SMAD2: variants seen among roughly 807,000 people sequenced by gnomAD.
SMAD2 encodes the protein MAD homolog 2.
Under a neutral mutation model 64.4 loss-of-function variants are expected in SMAD2, and 8 were observed. That is an observed-to-expected ratio of 0.12 (90% CI 0.07 to 0.22). SMAD2 has a LOEUF of 0.22. Ranked by LOEUF, SMAD2 falls within the 10% of genes least tolerant of loss-of-function variation. The pLI is 1.00. For synonymous variants in SMAD2, 203 were observed against 195.8 expected (o/e 1.04, Z -0.31); for missense variants, 289 against 561.2 (o/e 0.51, Z 4.90).
At position 47,816,019 on chromosome 18, in the gene SMAD2, C is replaced by CA. The variant is rs555101866; in HGVS notation, c.*25807dup. On this transcript the variant is annotated 3_prime_UTR_variant, in exon 11 of 11. Transcript: ENST00000262160. Reference sequence around the variant, plus strand: ...GGCTAAGAAGCTGAGGAGGAACTGGCAGTGAGGGAGGAGGTTGAGAATGAA... The same window carrying CA: ...GGCTAAGAAGCTGAGGAGGAACTGGCAAGTGAGGGAGGAGGTTGAGAATGAA... 1.8e-4 allele frequency: 27 copies of CA among 152,266 alleles called. No homozygotes were observed. Among genetic ancestry groups the CA allele is most frequent in the African/African-American group, 6.3e-4 (26 of 41,540 alleles). 9.4% of individuals were successfully genotyped at this position (152,266 alleles called of 1,614,324 possible).
At chr18:47,876,936 G>A (rs1025967694) in intron 2 of SMAD2, among the ~76,000 whole-genome samples, 1 of 151,910 alleles carries the variant, frequency 6.6e-6, no homozygotes, top group African/African-American at 2.4e-5. Context: ...CTTTGTTATG[G>A]AGAAAGAAAA....
In SMAD2 at chr18:47,879,275, A is replaced by G. The variant is rs72912392; in HGVS notation, c.237-8711T>C. On this transcript the variant is annotated intron_variant, in intron 2 of 10. Coordinates refer to ENST00000262160, the MANE Select transcript of SMAD2 (RefSeq NM_005901.6). ...CATTTGAGTTTTCTCAGATGCATAC[A>G]TTGTACACTTCTCAACCCTGTCAAG... Among the ~76,000 whole-genome samples, 540 of 152,270 alleles carry G rather than the reference A, an allele frequency of 3.5e-3. 2 individuals are homozygous for G. Among genetic ancestry groups the G allele is most frequent in the Non-Finnish European group, 6.3e-3 (431 of 68,018 alleles).
intron 2 of SMAD2, among the ~76,000 whole-genome samples, chr18:47,892,529 C>T (rs2033246256): frequency 6.6e-6 from 1 of 152,100 alleles, no homozygotes; most frequent in Non-Finnish European, 1.5e-5. Flanking sequence ...TTTAATAAAC[C>T]ACTGAATTCT....
At chr18:47,928,212 C>G (rs1023497870) in intron 1 of SMAD2, among the ~76,000 whole-genome samples, 1 of 152,178 alleles carries the variant, frequency 6.6e-6, no homozygotes, top group African/African-American at 2.4e-5. Flanking sequence ...TATAAAAAAG[C>G]TGCTACAAAA....
chr18:47,928,804 C>CA (rs2034872881), intron 1 of SMAD2, among the ~76,000 whole-genome samples: 1 of 152,134 alleles, frequency 6.6e-6, no homozygotes, highest in South Asian at 2.1e-4. Flanking sequence ...ACTAAAACCC[C>CA]AAAATGAACG....
rs573174920 is a variant in SMAD2, at chr18:47,843,449, A to C, written c.1281-1499T>G. 3.9e-5 allele frequency among the ~76,000 whole-genome samples: 6 copies of C among 152,320 alleles called. No homozygotes were observed. The South Asian group carries it at 8.3e-4, about 21-fold the overall frequency. ...CAGGTCACCCAAGGGGAGTAGGTTTAAGAAGGCTGCCACTCGATTAAATAC... is the reference window on the plus strand; with the variant it reads ...CAGGTCACCCAAGGGGAGTAGGTTTCAGAAGGCTGCCACTCGATTAAATAC... On this transcript the variant is annotated intron_variant, in intron 10 of 10. Transcript: ENST00000262160.
rs1020071489 is a variant in SMAD2, at chr18:47,824,182, A to G, written c.*17645T>C. On this transcript the variant is annotated 3_prime_UTR_variant, in exon 11 of 11. Coordinates refer to ENST00000262160, the MANE Select transcript of SMAD2 (RefSeq NM_005901.6). Reference sequence around the variant, plus strand: ...ATACTTTCGGAAAAACATCTTCATCAAGAGAGGGAAAGGTGAAAGCTGTCA... The same window carrying G: ...ATACTTTCGGAAAAACATCTTCATCGAGAGAGGGAAAGGTGAAAGCTGTCA... 2.0e-5 allele frequency: 3 copies of G among 152,208 alleles called. No individual in the cohort carries two copies. The highest frequency in any genetic ancestry group is 6.5e-5 in the Admixed American group (1 of 15,280). The allele number at this position is 152,208 out of a possible 1,614,324, so 9.4% of individuals were successfully genotyped here.
intron 2 of SMAD2, among the ~76,000 whole-genome samples, chr18:47,871,092 CTT>C (rs1235918582): frequency 6.6e-6 from 1 of 152,130 alleles, no homozygotes; most frequent in Admixed American, 6.5e-5. Context: ...AAGAAATAGA[CTT>C]TGAAGTCATT....
At chr18:47,893,722 A>C (rs1473907352) in intron 2 of SMAD2, among the ~76,000 whole-genome samples, 3 of 152,214 alleles carry the variant, frequency 2.0e-5, no homozygotes, top group Non-Finnish European at 4.4e-5. Context: ...TAATAACCTG[A>C]CACAATTTAA....
chr18:47,912,227 T>C (rs576176380), intron 1 of SMAD2: 3 of 152,314 alleles, frequency 2.0e-5, no homozygotes, highest in African/African-American at 7.2e-5. Flanking sequence ...ATAAGGCCAG[T>C]GCAGATTAAA....
At chr18:47,875,178 C>T (rs1263328026) in intron 2 of SMAD2, among the ~76,000 whole-genome samples, 1 of 152,116 alleles carries the variant, frequency 6.6e-6, no homozygotes, top group African/African-American at 2.4e-5. Context: ...TTCCTAGCCA[C>T]CTTTTAACTT....
chr18:47,851,290 A>C lies in SMAD2; in HGVS notation c.768T>G (p.Pro256=). Residue 256 remains proline, a synonymous_variant, in exon 7 of 11, where the codon CCT becomes CCG. Transcript: ENST00000262160. Reference sequence around the variant, plus strand: ...GCAACTTACCCAAGCTATGATTAACAGGGGAAAGAGTAGTAGGAGATAGTT... The same window carrying C: ...GCAACTTACCCAAGCTATGATTAACCGGGGAAAGAGTAGTAGGAGATAGTT... ...PAELSPTTLS[P]VNHSLDLQPV... 6.2e-7 allele frequency: 1 copy of C among 1,608,752 alleles called. No individual in the cohort carries two copies. Among genetic ancestry groups the C allele is most frequent in the Non-Finnish European group, 8.5e-7 (1 of 1,175,480 alleles).
chr18:47,879,117 T>C (rs776784824), intron 2 of SMAD2, among the ~76,000 whole-genome samples: 1 of 152,138 alleles, frequency 6.6e-6, no homozygotes, highest in Non-Finnish European at 1.5e-5. Context: ...AGCTAGACCC[T>C]GTCTCAGAGA....
intron 1 of SMAD2, among the ~76,000 whole-genome samples, chr18:47,917,172 T>C (rs1022439268): frequency 1.3e-5 from 2 of 152,228 alleles, no homozygotes; most frequent in Non-Finnish European, 1.5e-5. Flanking sequence ...TGCTTGCTAA[T>C]TGTACTCTTC....
intron 6 of SMAD2, among the ~76,000 whole-genome samples, chr18:47,863,219 T>C (rs1169210176): frequency 6.6e-6 from 1 of 152,218 alleles, no homozygotes; most frequent in Non-Finnish European, 1.5e-5. Flanking sequence ...TTTCTTGCCA[T>C]GGCCCCAAGA....
chr18:47,858,567 C>T (rs985466566), intron 6 of SMAD2, among the ~76,000 whole-genome samples: 1 of 152,096 alleles, frequency 6.6e-6, no homozygotes, highest in Non-Finnish European at 1.5e-5. Context: ...AAAAATAACA[C>T]TGAACTTTGG....
At chr18:47,866,543 AAAAGTTAAAGCTAAT>A (rs2144366641) in intron 5 of SMAD2, among the ~76,000 whole-genome samples, 1 of 152,252 alleles carries the variant, frequency 6.6e-6, no homozygotes, top group African/African-American at 2.4e-5. Flanking sequence ...TGCATATTTT[AAAAGTTAAAGCTAAT>A]AAAGTTAAAC....
At chr18:47,866,104 G>A (rs2031533270) in intron 5 of SMAD2, among the ~76,000 whole-genome samples, 1 of 151,986 alleles carries the variant, frequency 6.6e-6, no homozygotes, top group Admixed American at 6.6e-5. Flanking sequence ...ATCACCTGAG[G>A]TGGGGAGTTC....
At chr18:47,912,091 T>C (rs773230996) in intron 1 of SMAD2, 8 of 152,236 alleles carry the variant, frequency 5.3e-5, no homozygotes, top group East Asian at 1.9e-4. Flanking sequence ...TTGAGAGAGA[T>C]AGTACAGCAG....
Sources: gnomAD v4.1 joint callset for allele counts (sites outside exome capture counted in the v4.1 genomes callset) on GRCh38, gnomAD v4.1.1 for gene constraint, MANE v1.5 for transcripts, NCBI Gene and HGNC (gene_info 2026-07-23, HGNC 2026-07-21) for gene names.